Variants in SDK2 observed in about 807,000 individuals in gnomAD.
SDK2 encodes protein sidekick-2.
In SDK2, 105 loss-of-function variants were observed where a neutral mutation model predicts 253.9. The observed-to-expected ratio is 0.41, with a 90% CI of 0.35 to 0.49. The LOEUF (loss-of-function observed/expected upper bound fraction) is 0.49, where lower values mean the gene tolerates loss of function less well. Among genes scored for constraint, SDK2 ranks in the 20% least tolerant of loss-of-function variants. SDK2 has a pLI of 0.06. For synonymous variants in SDK2, 1,249 were observed against 1,234.9 expected (o/e 1.01, Z -0.24); for missense variants, 2,608 against 3,003.0 (o/e 0.87, Z 3.07).
chr17:73,469,331 G>C (rs1051376321), intron 3 of SDK2, among the ~76,000 whole-genome samples: 3 of 152,164 alleles, frequency 2.0e-5, no homozygotes, highest in Non-Finnish European at 4.4e-5. Flanking sequence ...GGTGGTCCAG[G>C]GCCCTTGGAA....
At position 73,399,279 on chromosome 17, in the gene SDK2, C is replaced by G. The variant is rs139261927; in HGVS notation, c.2982G>C (p.Gly994=). The part of the protein sequence containing the change: ...ISSGVPPELP[G]PPTNLGISNI... Reference sequence around the variant, plus strand: ...TGGAAATGCCCAGGTTGGTGGGGGGCCCTGGGAGTTCTGGAAAAGGAGAAC... The same window carrying G: ...TGGAAATGCCCAGGTTGGTGGGGGGGCCTGGGAGTTCTGGAAAAGGAGAAC... Residue 994 remains glycine, a synonymous_variant, in exon 22 of 45, where the codon GGG becomes GGC. Coordinates refer to ENST00000392650, the MANE Select transcript of SDK2 (RefSeq NM_001144952.2). 1 of 1,613,618 alleles carries G rather than the reference C, an allele frequency of 6.2e-7. No individual in the cohort carries two copies. The highest frequency in any genetic ancestry group is 1.7e-5 in the Admixed American group (1 of 59,990).
At chr17:73,621,305 C>G (rs1363804580) in intron 1 of SDK2, among the ~76,000 whole-genome samples, 2 of 152,086 alleles carry the variant, frequency 1.3e-5, no homozygotes, top group Non-Finnish European at 2.9e-5. Context: ...GTTAGTTCCC[C>G]CTAAAACAAA....
intron 1 of SDK2, among the ~76,000 whole-genome samples, chr17:73,536,387 C>T (rs2044772127): frequency 6.6e-6 from 1 of 152,200 alleles, no homozygotes. Context: ...CGACTTACTT[C>T]CTTGTTGGCA....
intron 20 of SDK2, 72 bp downstream of exon 20, chr17:73,401,582 C>G: frequency 7.4e-7 from 1 of 1,355,388 alleles, no homozygotes; most frequent in Non-Finnish European, 1.0e-6. Context: ...AGCTCAAAGG[C>G]AGGGGATGGA....
At chr17:73,484,599 T>C (rs1456280769) in intron 2 of SDK2, among the ~76,000 whole-genome samples, 1 of 152,198 alleles carries the variant, frequency 6.6e-6, no homozygotes, top group Non-Finnish European at 1.5e-5. Context: ...ATGGCCTGGG[T>C]GCCTTAAAAC....
intron 27 of SDK2, among the ~76,000 whole-genome samples, chr17:73,392,105 G>C (rs1386654204): frequency 6.6e-6 from 1 of 151,894 alleles, no homozygotes; most frequent in Non-Finnish European, 1.5e-5. Flanking sequence ...TCCAGGGAAG[G>C]CCAAGCGGTA....
chr17:73,575,513 A>G (rs1020768746), intron 1 of SDK2, among the ~76,000 whole-genome samples: 2 of 152,234 alleles, frequency 1.3e-5, no homozygotes, highest in Non-Finnish European at 2.9e-5. Flanking sequence ...GGGCTGAAGC[A>G]CTATCTCTTG....
chr17:73,623,750 C>T (rs1266819932), intron 1 of SDK2, among the ~76,000 whole-genome samples: 4 of 152,164 alleles, frequency 2.6e-5, no homozygotes, highest in African/African-American at 9.7e-5. Flanking sequence ...CTTCTTCACG[C>T]CTGTGGGCCC....
At chr17:73,466,725 CCCG>C (rs201991355) in intron 3 of SDK2, among the ~76,000 whole-genome samples, 1,675 of 145,602 alleles carry the variant, frequency 0.012, 274 homozygotes, top group African/African-American at 0.036. Context: ...GCCCCCCCCC[CCCG>C]GCTTAGGCTC....
At chr17:73,637,756 T>A (rs1476702136) in intron 1 of SDK2, among the ~76,000 whole-genome samples, 1 of 152,198 alleles carries the variant, frequency 6.6e-6, no homozygotes, top group Non-Finnish European at 1.5e-5. Context: ...TTTCAAATGG[T>A]ACATCCATGT....
At chr17:73,558,808 T>C (rs1438953079) in intron 1 of SDK2, among the ~76,000 whole-genome samples, 2 of 151,896 alleles carry the variant, frequency 1.3e-5, no homozygotes, top group African/African-American at 4.8e-5. Context: ...TCAAATGGGG[T>C]CTCAACCCTC....
At chr17:73,544,736 G>A (rs2044928753) in intron 1 of SDK2, among the ~76,000 whole-genome samples, 1 of 152,200 alleles carries the variant, frequency 6.6e-6, no homozygotes, top group South Asian at 2.1e-4. Flanking sequence ...CATTTCACAG[G>A]GAGGAAACAG....
At chr17:73,472,816 G>A (rs561877491) in intron 2 of SDK2, among the ~76,000 whole-genome samples, 18 of 152,250 alleles carry the variant, frequency 1.2e-4, no homozygotes, top group African/African-American at 3.6e-4. Context: ...TGATGTTCTC[G>A]TGATAGTGAA....
At chr17:73,501,901 G>A (rs766506531) in intron 2 of SDK2, among the ~76,000 whole-genome samples, 1 of 152,170 alleles carries the variant, frequency 6.6e-6, no homozygotes, top group Non-Finnish European at 1.5e-5. Flanking sequence ...CAAATTCAGG[G>A]TGGCTAACCA....
intron 27 of SDK2, among the ~76,000 whole-genome samples, chr17:73,392,020 T>C (rs2062932465): frequency 6.6e-6 from 1 of 152,160 alleles, no homozygotes; most frequent in African/African-American, 2.4e-5. Context: ...CAGAGAGGCC[T>C]AAGCACGCTT....
chr17:73,599,029 G>A lies in SDK2; in HGVS notation c.64+44996C>T, dbSNP rs542902727. Among the ~76,000 whole-genome samples, 22 of 152,312 alleles carry A rather than the reference G, an allele frequency of 1.4e-4. No individual in the cohort carries two copies. The South Asian group carries it at 2.1e-3, about 14-fold the overall frequency. On this transcript the variant is annotated intron_variant, in intron 1 of 44. Transcript: ENST00000392650. Reference sequence around the variant, plus strand: ...AAACGGACTTTTCCGGGTAAGGAGCGAGTGGAAAATGTAGCATCCCCCTAG... The same window carrying A: ...AAACGGACTTTTCCGGGTAAGGAGCAAGTGGAAAATGTAGCATCCCCCTAG...
At chr17:73,406,332 C>T (rs1036138797) in intron 18 of SDK2, among the ~76,000 whole-genome samples, 1 of 151,752 alleles carries the variant, frequency 6.6e-6, no homozygotes, top group Non-Finnish European at 1.5e-5. Context: ...CAATCTCTGC[C>T]TCCCCAGTTC....
At chr17:73,390,243 C>G (rs758530672) in intron 29 of SDK2, 44 bp downstream of exon 29, 18 of 1,482,488 alleles carry the variant, frequency 1.2e-5, no homozygotes, top group South Asian at 5.2e-5. Flanking sequence ...GCTGGCCCCC[C>G]CTCAGCTGCC....
chr17:73,523,654 G>A (rs1389782190), intron 1 of SDK2, among the ~76,000 whole-genome samples: 1 of 152,044 alleles, frequency 6.6e-6, no homozygotes, highest in East Asian at 1.9e-4. Context: ...GGCCTTGCTG[G>A]GCACTTTGAT....
Sources: allele counts gnomAD v4.1 joint callset (sites outside exome capture counted in the v4.1 genomes callset), GRCh38; gene constraint gnomAD v4.1.1; transcripts MANE v1.5; gene names NCBI Gene and HGNC (gene_info 2026-07-23, HGNC 2026-07-21).